The following HOMER1 variants were observed in gnomAD, a reference collection of about 807,000 sequenced individuals.
The protein encoded by HOMER1 is homer protein homolog 1.
A neutral mutation model predicts 48.9 loss-of-function variants in HOMER1; 3 were observed. The observed-to-expected ratio is 0.06, with a 90% CI of 0.03 to 0.16. HOMER1 has a LOEUF of 0.16. Ranked by LOEUF, HOMER1 falls within the 10% of genes least tolerant of loss-of-function variation. The pLI is 1.00. For synonymous variants in HOMER1, 134 were observed against 146.4 expected, an observed-to-expected ratio of 0.92 and a Z score of 0.61; for missense variants, 247 against 411.4, an observed-to-expected ratio of 0.60 and a Z score of 3.46.
intron 1 of HOMER1, among the ~76,000 whole-genome samples, chr5:79,497,793 A>T (rs1405708717): frequency 1.3e-5 from 2 of 152,160 alleles, no homozygotes; most frequent in Admixed American, 1.3e-4. Context: ...GAAGCTTTTG[A>T]ATGGACAAAA....
intron 1 of HOMER1, among the ~76,000 whole-genome samples, chr5:79,473,692 A>G (rs1751682123): frequency 6.6e-6 from 1 of 152,230 alleles, no homozygotes; most frequent in African/African-American, 2.4e-5. Context: ...TTTGAGAAGA[A>G]CAAGTTAGTC....
At chr5:79,431,245 C>A (rs1341670101) in intron 5 of HOMER1, among the ~76,000 whole-genome samples, 4 of 152,126 alleles carry the variant, frequency 2.6e-5, no homozygotes, top group African/African-American at 7.2e-5. Flanking sequence ...ATTGCTTGAA[C>A]CTGGGAAATG....
chr5:79,457,108 C>T, intron 1 of HOMER1, 90 bp from the exon 2 acceptor site: 3 of 1,224,976 alleles, frequency 2.4e-6, no homozygotes, highest in South Asian at 1.3e-5. Flanking sequence ...GATGATTCTG[C>T]TTAATCAACA....
intron 5 of HOMER1, among the ~76,000 whole-genome samples, chr5:79,417,893 A>G (rs1561355810): frequency 6.6e-6 from 1 of 152,250 alleles, no homozygotes; most frequent in Non-Finnish European, 1.5e-5. Flanking sequence ...GCTTATTAAC[A>G]GATTTTACCA....
At chr5:79,507,810 G>A (rs1752821197) in intron 1 of HOMER1, among the ~76,000 whole-genome samples, 1 of 151,822 alleles carries the variant, frequency 6.6e-6, no homozygotes, top group Admixed American at 6.6e-5. Context: ...TATAAACTAT[G>A]AATAAGGACA....
chr5:79,484,016 A>G (rs1752023914), intron 1 of HOMER1, among the ~76,000 whole-genome samples: 2 of 143,168 alleles, frequency 1.4e-5, no homozygotes. Flanking sequence ...ACTGCACTCC[A>G]GCCTGGGCAA....
Position 79,490,728 on chromosome 5 carries a change from T to A in HOMER1, c.5+22042A>T, listed in dbSNP as rs554206944. 2.0e-5 allele frequency among the ~76,000 whole-genome samples: 3 copies of A among 149,978 alleles called. No individual in the cohort carries two copies. In the East Asian group the frequency reaches 5.9e-4, roughly 30 times the overall value. On this transcript the variant is annotated intron_variant, in intron 1 of 8. Transcript: ENST00000334082. The stretch of plus-strand genomic sequence containing the variant: ...GGAGGGATCACTTGAGGCCAGGAGT[T>A]TGATTCCAGCCTGGCCAGTATAGCA...
intron 1 of HOMER1, among the ~76,000 whole-genome samples, chr5:79,505,776 A>G (rs982413099): frequency 1.3e-5 from 2 of 152,204 alleles, no homozygotes; most frequent in Non-Finnish European, 2.9e-5. Context: ...TTTTATAAAC[A>G]ATTTTATTTT....
At chr5:79,466,836 A>T (rs1751478416) in intron 1 of HOMER1, among the ~76,000 whole-genome samples, 1 of 151,940 alleles carries the variant, frequency 6.6e-6, no homozygotes, top group Non-Finnish European at 1.5e-5. Flanking sequence ...TCTGTCACCA[A>T]GCTGGAGTGC....
intron 8 of HOMER1, among the ~76,000 whole-genome samples, chr5:79,382,921 A>T (rs1301785447): frequency 6.6e-6 from 1 of 152,216 alleles, no homozygotes. Context: ...TACATTCTCC[A>T]CTTAAAAGAT....
intron 1 of HOMER1, among the ~76,000 whole-genome samples, chr5:79,508,991 A>G (rs1468949224): frequency 6.6e-6 from 1 of 152,248 alleles, no homozygotes; most frequent in Non-Finnish European, 1.5e-5. Context: ...CTATTGTCAG[A>G]TATGATAGGG....
rs1191321486 is a variant in HOMER1 at position 79,373,412 on chromosome 5, C to T, written c.*2597G>A. 6.6e-6 allele frequency: 1 copy of T among 151,684 alleles called. No individual in the cohort carries two copies. The highest frequency in any genetic ancestry group is 1.5e-5 in the Non-Finnish European group (1 of 67,906). 9.4% of individuals were successfully genotyped at this position (151,684 alleles called of 1,614,324 possible). ...CCATGTCGCTTCAAGTCCACATGTTCAGGCTATAGTCCCCAACATTATTTT... is the reference window on the plus strand; with the variant it reads ...CCATGTCGCTTCAAGTCCACATGTTTAGGCTATAGTCCCCAACATTATTTT... On this transcript the variant is annotated 3_prime_UTR_variant, in exon 9 of 9. Coordinates refer to ENST00000334082, the MANE Select transcript of HOMER1 (RefSeq NM_004272.5).
At chr5:79,451,208 A>ATTGATAATCTTAAGCTTTT in intron 2 of HOMER1, 87 bp from the exon 3 acceptor site, 1 of 1,364,192 alleles carries the variant, frequency 7.3e-7, no homozygotes, top group Non-Finnish European at 1.0e-6. Flanking sequence ...ATAAAAGCTT[A>ATTGATAATCTTAAGCTTTT]AGATTATCAA....
In HOMER1 at chr5:79,512,804, T is replaced by C. The variant is rs376220468; in HGVS notation, c.-30A>G. The C allele has an allele frequency of 4.3e-6, 7 of 1,612,230 alleles. No homozygotes were observed. In the African/African-American group the frequency reaches 9.3e-5, roughly 22 times the overall value. The stretch of plus-strand genomic sequence containing the variant: ...CCCAATGAAAACTTGCTCTGAAGTT[T>C]CAGCTCTTATGCTACGGAATAACTT... On this transcript the variant is annotated 5_prime_UTR_variant, in exon 1 of 9. Transcript: ENST00000334082.
chr5:79,394,845 T>C (rs1351657044), intron 8 of HOMER1, among the ~76,000 whole-genome samples: 2 of 152,238 alleles, frequency 1.3e-5, no homozygotes, highest in African/African-American at 4.8e-5. Flanking sequence ...ACTGGGATTA[T>C]AGGCATAAGC....
chr5:79,427,463 A>G (rs77173462), intron 5 of HOMER1, among the ~76,000 whole-genome samples: 21 of 152,196 alleles, frequency 1.4e-4, no homozygotes, highest in African/African-American at 4.3e-4. Context: ...ATCTTAGCTC[A>G]CCACAATTTT....
At chr5:79,396,293 T>TAAAA (rs141457964) in intron 8 of HOMER1, among the ~76,000 whole-genome samples, 1 of 147,932 alleles carries the variant, frequency 6.8e-6, no homozygotes, top group African/African-American at 2.6e-5. Flanking sequence ...TAGTACATTG[T>TAAAA]AAAATAATAA....
At chr5:79,492,398 C>G (rs1285832078) in intron 1 of HOMER1, among the ~76,000 whole-genome samples, 2 of 151,874 alleles carry the variant, frequency 1.3e-5, no homozygotes, top group African/African-American at 4.8e-5. Context: ...GAAACTGTTT[C>G]CAAAATAATA....
chr5:79,379,211 AT>A (rs1258966952), intron 8 of HOMER1, among the ~76,000 whole-genome samples: 2 of 105,440 alleles, frequency 1.9e-5, no homozygotes, highest in Non-Finnish European at 3.5e-5. Context: ...TATTATATAT[AT>A]TTTTATATAT....
Sources: gnomAD v4.1 joint callset for allele counts (sites outside exome capture counted in the v4.1 genomes callset) on GRCh38, gnomAD v4.1.1 for gene constraint, MANE v1.5 for transcripts, NCBI Gene and HGNC (gene_info 2026-07-23, HGNC 2026-07-21) for gene names.